Variants in ARHGEF4 observed in about 807,000 individuals in gnomAD.
ARHGEF4 encodes the protein Rho guanine nucleotide exchange factor 4, also known as APC-stimulated guanine nucleotide exchange factor 1.
ARHGEF4 carries 119 observed loss-of-function variants against 162.0 expected under a neutral mutation model. That is an observed-to-expected ratio of 0.73 (90% confidence interval 0.63 to 0.86). The LOEUF (loss-of-function observed/expected upper bound fraction) is 0.86. Ranked by LOEUF, ARHGEF4 falls within the 40% of genes least tolerant of loss-of-function variation. ARHGEF4 has a pLI of 0.00. For synonymous variants in ARHGEF4, 1,014 were observed against 979.9 expected, an observed-to-expected ratio of 1.03 and a Z score of -0.65; for missense variants, 2,488 against 2,456.0, an observed-to-expected ratio of 1.01 and a Z score of -0.28.
intron 5 of ARHGEF4, among the ~76,000 whole-genome samples, chr2:131,037,335 A>G (rs1448009893): frequency 1.3e-5 from 2 of 152,220 alleles, no homozygotes; most frequent in Non-Finnish European, 2.9e-5. Context: ...TCAGTGCTCC[A>G]GTGGCCAGCC....
chr2:130,839,308 G>A (rs1313990329), intron 1 of ARHGEF4, among the ~76,000 whole-genome samples: 1 of 152,200 alleles, frequency 6.6e-6, no homozygotes, highest in East Asian at 1.9e-4. Context: ...CCCAGGGATT[G>A]GTCCTATGAG....
intron 1 of ARHGEF4, among the ~76,000 whole-genome samples, chr2:130,851,670 A>G (rs890121118): frequency 2.0e-5 from 3 of 152,196 alleles, no homozygotes; most frequent in Admixed American, 1.3e-4. Context: ...AAGGGTAATG[A>G]CATGGCTCTT....
At chr2:130,962,616 CACAGGA>C (rs1346443165) in intron 4 of ARHGEF4, among the ~76,000 whole-genome samples, 1 of 152,106 alleles carries the variant, frequency 6.6e-6, no homozygotes, top group Non-Finnish European at 1.5e-5. Context: ...GGAGATGGGC[CACAGGA>C]AATGGACCCC....
intron 1 of ARHGEF4, among the ~76,000 whole-genome samples, chr2:130,847,997 C>T (rs114670306): frequency 0.016 from 2,505 of 152,296 alleles, 68 homozygotes; most frequent in African/African-American, 0.057. Flanking sequence ...TGAGTGGAGG[C>T]CACGGGTGTG....
In ARHGEF4 at chr2:130,917,111, C is replaced by T. The variant is rs1479359209; in HGVS notation, c.3165C>T (p.Ser1055=). Residue 1055 remains serine (S), a synonymous_variant, in exon 2 of 14, where the codon TCC becomes TCT. Transcript: ENST00000409359. Reference sequence around the variant, plus strand: ...TTCCGGAAAAGTCCTGGCTGGCGTCCCCCGGCAGCCCTCGGGCCCAGCAGG... The same window carrying T: ...TTCCGGAAAAGTCCTGGCTGGCGTCTCCCGGCAGCCCTCGGGCCCAGCAGG... ...GIFPEKSWLA[S]PGSPRAQQAG... The T allele has an allele frequency of 1.3e-6, 2 of 1,550,348 alleles. No homozygotes were observed. The highest frequency in any genetic ancestry group is 1.7e-6 in the Non-Finnish European group (2 of 1,146,980).
intron 1 of ARHGEF4, among the ~76,000 whole-genome samples, chr2:130,888,737 A>G (rs541822909): frequency 4.1e-4 from 63 of 152,230 alleles, no homozygotes; most frequent in African/African-American, 1.4e-3. Flanking sequence ...ATCAGACAAC[A>G]TATTCTGAAT....
At chr2:131,029,640 G>A (rs1050236977) in intron 5 of ARHGEF4, among the ~76,000 whole-genome samples, 5 of 149,184 alleles carry the variant, frequency 3.4e-5, no homozygotes, top group Non-Finnish European at 5.9e-5. Flanking sequence ...TGCCACCTCC[G>A]CCTCCCAGGT....
At position 131,040,052 on chromosome 2, in the gene ARHGEF4, G is replaced by A; in HGVS notation, c.4342G>A (p.Ala1448Thr). The A allele has an allele frequency of 6.3e-7, 1 of 1,583,424 alleles. No individual in the cohort carries two copies. The highest frequency in any genetic ancestry group is 1.7e-4 in the Middle Eastern group (1 of 6,022). ...TCAGGACGAGCCCGCGGATGACGAC[G>A]CCCCTCTGGCCGGGAACAGCGGAGC... ...VNQDEPADDD[A>T]PLAGNSGAED... The change falls in exon 7 of 14, where the codon GCC (alanine) becomes ACC (threonine). Residue 1448 changes from alanine (A) to threonine (T), a missense_variant. Physicochemically the swap from Ala to Thr is moderately conservative, Grantham distance 58. Transcript: ENST00000409359.
intron 4 of ARHGEF4, among the ~76,000 whole-genome samples, chr2:130,949,416 C>G (rs191539917): frequency 6.6e-6 from 1 of 152,084 alleles, no homozygotes; most frequent in Non-Finnish European, 1.5e-5. Flanking sequence ...TGCAGTGGTG[C>G]GATCTCGGCT....
chr2:130,968,925 AAAATT>A (rs1341265597), intron 4 of ARHGEF4, among the ~76,000 whole-genome samples: 7 of 152,082 alleles, frequency 4.6e-5, no homozygotes, highest in Non-Finnish European at 8.8e-5. Flanking sequence ...CTCAAAAAAT[AAAATT>A]AAATTAAAAA....
chr2:130,987,281 G>T (rs11693003), intron 4 of ARHGEF4, among the ~76,000 whole-genome samples: 1 of 152,068 alleles, frequency 6.6e-6, no homozygotes, highest in African/African-American at 2.4e-5. Context: ...ACTTTGTTCA[G>T]CTTTCTCCCT....
chr2:130,877,651 A>G (rs1416297541), intron 1 of ARHGEF4, among the ~76,000 whole-genome samples: 1 of 152,204 alleles, frequency 6.6e-6, no homozygotes, highest in Admixed American at 6.5e-5. Context: ...CTCTGTCTCA[A>G]AAGAATAAAT....
chr2:131,045,616 A>T, intron 13 of ARHGEF4, 170 bp downstream of exon 13: 1 of 1,566,720 alleles, frequency 6.4e-7, no homozygotes, highest in Non-Finnish European at 8.7e-7. Flanking sequence ...CCACTGGGGA[A>T]GCCTGGGTCA....
intron 4 of ARHGEF4, among the ~76,000 whole-genome samples, chr2:131,024,555 G>A (rs1466112335): frequency 6.6e-6 from 1 of 152,166 alleles, no homozygotes; most frequent in Admixed American, 6.5e-5. Flanking sequence ...GATTGCAGGC[G>A]TGAGCCACCG....
At chr2:130,969,076 C>T (rs1388888911) in intron 4 of ARHGEF4, among the ~76,000 whole-genome samples, 2 of 152,156 alleles carry the variant, frequency 1.3e-5, no homozygotes, top group Admixed American at 1.3e-4. Context: ...TTTAGTACGC[C>T]TAACCTACTG....
intron 2 of ARHGEF4, among the ~76,000 whole-genome samples, chr2:130,918,384 C>T (rs937639500): frequency 6.6e-6 from 1 of 152,198 alleles, no homozygotes; most frequent in African/African-American, 2.4e-5. Flanking sequence ...ATCCCAGCTG[C>T]CCTTGGAAGG....
At chr2:130,933,272 A>C (rs1223006687) in intron 3 of ARHGEF4, among the ~76,000 whole-genome samples, 1 of 151,868 alleles carries the variant, frequency 6.6e-6, no homozygotes, top group East Asian at 1.9e-4. Flanking sequence ...TTGACTCTCA[A>C]TTCTATCCTA....
At chr2:130,980,028 G>A (rs1686020788) in intron 4 of ARHGEF4, among the ~76,000 whole-genome samples, 1 of 152,152 alleles carries the variant, frequency 6.6e-6, no homozygotes, top group Non-Finnish European at 1.5e-5. Context: ...CTGTATTAAA[G>A]TAGTTAGGTT....
intron 4 of ARHGEF4, among the ~76,000 whole-genome samples, chr2:130,977,194 G>A (rs905008792): frequency 6.6e-6 from 1 of 151,556 alleles, no homozygotes; most frequent in Non-Finnish European, 1.5e-5. Flanking sequence ...TGTTTGTGGT[G>A]TGATATGGGT....
Sources: gnomAD v4.1 joint callset for allele counts (sites outside exome capture counted in the v4.1 genomes callset) on GRCh38, gnomAD v4.1.1 for gene constraint, MANE v1.5 for transcripts, NCBI Gene and HGNC (gene_info 2026-07-23, HGNC 2026-07-21) for gene names.